The following TPPP2 variants were observed in gnomAD, a reference collection of about 807,000 sequenced individuals.
The protein encoded by TPPP2 is tubulin polymerization-promoting protein family member 2.
In TPPP2, 8 loss-of-function variants were observed where a neutral mutation model predicts 13.0. That is an observed-to-expected ratio of 0.62 (90% CI 0.36 to 1.11). TPPP2 has a LOEUF of 1.11. Ranked by LOEUF, TPPP2 falls within the 50% of genes most tolerant of loss-of-function variation. TPPP2 has a pLI of 0.02. For synonymous variants in TPPP2, 81 were observed against 81.8 expected, an observed-to-expected ratio of 0.99 and a Z score of 0.05; for missense variants, 213 against 216.9, an observed-to-expected ratio of 0.98 and a Z score of 0.11.
chr14:21,029,338 C>T (rs1256712575), upstream of TPPP2: 1 of 152,226 alleles, frequency 6.6e-6, no homozygotes, highest in Non-Finnish European at 1.5e-5. Context: ...CAGTGGGTCA[C>T]ACCTGTAATC....
At chr14:21,025,491 G>A (rs1883420807), upstream of TPPP2, 1 of 985,318 alleles carries the variant, frequency 1.0e-6, no homozygotes, top group South Asian at 4.7e-5. The surrounding 1 kb of genome is among the most constrained non-coding windows in gnomAD (Gnocchi z 5.1). Flanking sequence ...GACACCCCAC[G>A]AGTTCGACTC....
chr14:21,031,837 G>T, intron 3 of TPPP2, 55 bp from the exon 4 acceptor site: 1 of 1,559,518 alleles, frequency 6.4e-7, no homozygotes, highest in Non-Finnish European at 8.7e-7. Context: ...CTTTGGGGAA[G>T]GGATATGACA....
downstream of TPPP2, chr14:21,034,130 A>G (rs1322223107): frequency 6.2e-7 from 1 of 1,614,222 alleles, no homozygotes. Flanking sequence ...ACATCAGACC[A>G]TTACAATAGC....
At chr14:21,030,864 G>C in intron 2 of TPPP2, 110 bp downstream of exon 2, 1 of 1,507,204 alleles carries the variant, frequency 6.6e-7, no homozygotes, top group Non-Finnish European at 9.0e-7. Context: ...AGCACCACAG[G>C]GTACCTGGCG....
rs1315432959 is a variant in TPPP2 at position 21,032,569 on chromosome 14, T to C, written c.*492T>C. ...TTTGGGTGGAGGAGTAGAAGCCAGC[T>C]AAGGTTGCCTGACTTCTATTACAAA... On this transcript the variant is annotated 3_prime_UTR_variant, in exon 4 of 4. Coordinates refer to ENST00000321760, the MANE Select transcript of TPPP2 (RefSeq NM_173846.5). 4 of 346,410 alleles carry C rather than the reference T, an allele frequency of 1.2e-5. No homozygotes were observed. The highest frequency in any genetic ancestry group is 8.4e-5 in the East Asian group (1 of 11,968). The allele number at this position is 346,410 out of a possible 1,614,324, so 21.5% of individuals were successfully genotyped here.
downstream of TPPP2, chr14:21,034,168 T>C (rs201950279): frequency 2.6e-5 from 42 of 1,613,978 alleles, no homozygotes; most frequent in Non-Finnish European, 3.4e-5. Context: ...TAGTTAACCC[T>C]GGGATAGTCA....
intron 2 of TPPP2, 128 bp downstream of exon 2, chr14:21,030,882 ATC>A: frequency 2.0e-6 from 3 of 1,507,212 alleles, no homozygotes; most frequent in Non-Finnish European, 2.7e-6. Context: ...GCGCTGTGCT[ATC>A]CTTTGTCTTC....
At chr14:21,035,672 G>A (rs1234781160), downstream of TPPP2, 1 of 428,722 alleles carries the variant, frequency 2.3e-6, no homozygotes, top group Non-Finnish European at 4.7e-6. Context: ...GCCGCAGAGA[G>A]AAAGATTGGT....
downstream of TPPP2, chr14:21,034,345 T>G (rs1594485288): frequency 1.6e-6 from 2 of 1,273,958 alleles, no homozygotes; most frequent in Non-Finnish European, 2.2e-6. Flanking sequence ...GAAGTGGCTG[T>G]CTGCCACATC....
At position 21,032,017 on chromosome 14, in the gene TPPP2, CA is replaced by C; in HGVS notation, c.455del (p.Asn152ThrfsTer5). 2 of 1,614,162 alleles carry C rather than the reference CA, an allele frequency of 1.2e-6. No homozygotes were observed. Among genetic ancestry groups the C allele is most frequent in the South Asian group, 1.1e-5 (1 of 91,084 alleles). ...TTGCGGGACGGGAAGAGATGACTGACAACACAGGCTATGTGAGTGGTTACAA... is the reference window on the plus strand; with the variant it reads ...TTGCGGGACGGGAAGAGATGACTGACACACAGGCTATGTGAGTGGTTACAA... ...GIAGREEMTDNTGYVSGYKGS... is the reference protein window; with the variant it reads ...GIAGREEMTDXTGYVSGYKGS... On this transcript the variant is annotated frameshift_variant, in exon 4 of 4. Coordinates refer to ENST00000321760, the MANE Select transcript of TPPP2 (RefSeq NM_173846.5). LOFTEE classifies it high-confidence loss of function.
downstream of TPPP2, chr14:21,033,030 T>C (rs1237810001): frequency 2.2e-6 from 1 of 453,510 alleles, no homozygotes; most frequent in East Asian, 7.0e-5. Context: ...TCTGGGGGAT[T>C]TGGGAGGAGC....
upstream of TPPP2, among the ~76,000 whole-genome samples, chr14:21,027,960 T>C (rs1883808706): frequency 6.6e-6 from 1 of 152,206 alleles, no homozygotes; most frequent in African/African-American, 2.4e-5. Context: ...GAGAACTGAA[T>C]AGTAGCTTCC....
chr14:21,031,146 C>T lies in TPPP2; in HGVS notation c.308C>T (p.Pro103Leu), dbSNP rs375716775. ...TATGGACTCATGGAGGGCAAAGACC[C>T]AGCCACCACTGGCGCTACTGTGAGT... is the stretch of plus-strand genomic sequence containing the variant. ...NIYGLMEGKD[P>L]ATTGATKATT... The change falls in exon 3 of 4, where the codon CCA becomes CTA. Residue 103 changes from proline (P) to leucine (L), a missense_variant. Coordinates refer to ENST00000321760, the MANE Select transcript of TPPP2 (RefSeq NM_173846.5). The T allele has an allele frequency of 1.5e-5, 25 of 1,613,728 alleles. No homozygotes were observed. Among genetic ancestry groups the T allele is most frequent in the African/African-American group, 9.4e-5 (7 of 74,862 alleles).
At chr14:21,029,529 G>A (rs949967118), upstream of TPPP2, among the ~76,000 whole-genome samples, 2 of 152,210 alleles carry the variant, frequency 1.3e-5, no homozygotes, top group African/African-American at 4.8e-5. Flanking sequence ...TCCTGGGACT[G>A]GAGGTTGCAG....
At chr14:21,030,441 C>G in intron 1 of TPPP2, 72 bp from the exon 2 acceptor site, 2 of 837,374 alleles carry the variant, frequency 2.4e-6, no homozygotes, top group Admixed American at 5.3e-5. Flanking sequence ...AAGGAGAGAG[C>G]AACAGGGAAG....
chr14:21,027,360 T>C (rs3811332), upstream of TPPP2, among the ~76,000 whole-genome samples: 32,874 of 152,214 alleles, frequency 0.22, 3,654 homozygotes, highest in Non-Finnish European at 0.25. Flanking sequence ...TGCAAGCCAC[T>C]GTGTAGATGA....
downstream of TPPP2, chr14:21,032,924 T>C (rs1436052311): frequency 2.2e-6 from 1 of 455,896 alleles, no homozygotes; most frequent in Admixed American, 2.3e-5. Flanking sequence ...CCCCCAATGG[T>C]TACATCTTAC....
Position 21,031,989 on chromosome 14 carries a change from G to T in TPPP2, c.425G>T (p.Gly142Val), listed in dbSNP as rs758182481. 4 of 1,614,162 alleles carry T rather than the reference G, an allele frequency of 2.5e-6. No individual in the cohort carries two copies. Among genetic ancestry groups the T allele is most frequent in the African/African-American group, 1.3e-5 (1 of 75,024 alleles). Residue 142 changes from glycine to valine, a missense_variant, in exon 4 of 4, where the codon GGC becomes GTC. Coordinates refer to ENST00000321760, the MANE Select transcript of TPPP2 (RefSeq NM_173846.5). ...ERFDESGKGK[G>V]IAGREEMTDN... Reference sequence around the variant, plus strand: ...TTTGATGAGAGTGGCAAGGGCAAGGGCATTGCGGGACGGGAAGAGATGACT... The same window carrying T: ...TTTGATGAGAGTGGCAAGGGCAAGGTCATTGCGGGACGGGAAGAGATGACT...
At chr14:21,025,427 C>T, upstream of TPPP2, 1 of 985,606 alleles carries the variant, frequency 1.0e-6, no homozygotes. The surrounding 1 kb of genome is among the most constrained non-coding windows in gnomAD (Gnocchi z 5.1). Flanking sequence ...CTCCTTCCTT[C>T]GCCCCCAGAC....
Sources: gnomAD v4.1 joint callset for allele counts (sites outside exome capture counted in the v4.1 genomes callset) on GRCh38, gnomAD v4.1.1 for gene constraint, Gnocchi (gnomAD v3.1) non-coding constraint, MANE v1.5 for transcripts, NCBI Gene and HGNC (gene_info 2026-07-23, HGNC 2026-07-21) for gene names.